Variants in CELF2 observed in about 807,000 individuals in gnomAD.
The protein encoded by CELF2 is CUG triplet repeat RNA-binding protein 2.
In CELF2, 8 loss-of-function variants were observed where a neutral mutation model predicts 62.6. That is an observed-to-expected ratio of 0.13 (90% confidence interval 0.07 to 0.23). The LOEUF (loss-of-function observed/expected upper bound fraction) is 0.23. Among genes scored for constraint, CELF2 ranks in the 10% least tolerant of loss-of-function variants. The pLI is 1.00. For missense variants in CELF2, 333 were observed against 671.0 expected (o/e 0.50, Z 5.56); for synonymous variants, 258 against 250.0 (o/e 1.03, Z -0.30).
chr10:10,532,303 A>G, the CELF2 span, among the ~76,000 whole-genome samples: 1 of 152,220 alleles, frequency 6.6e-6, no homozygotes, highest in Non-Finnish European at 1.5e-5. Context: ...ATCTGTTTGA[A>G]AACATATCAG....
At chr10:11,028,902 TG>T (rs1197445757) in intron 1 of CELF2, among the ~76,000 whole-genome samples, 1 of 152,082 alleles carries the variant, frequency 6.6e-6, no homozygotes, top group African/African-American at 2.4e-5. Context: ...TTAATAGAGA[TG>T]GGGTTTCACC....
In CELF2 at chr10:11,255,074, G is replaced by T. The variant is rs986479095; in HGVS notation, c.404-2664G>T. On this transcript the variant is annotated intron_variant, in intron 4 of 12. Coordinates refer to ENST00000633077, the MANE Select transcript of CELF2 (RefSeq NM_001326342.2). The surrounding 1 kb of genome is among the most constrained non-coding windows in gnomAD (Gnocchi z 5.5). ...CCTGCAGGTACACTCGTTGCCCAGG[G>T]TATCTGGTGTCTCTCTGGCTTAGCT... Among the ~76,000 whole-genome samples the T allele has an allele frequency of 9.2e-5, 14 of 152,228 alleles. No homozygotes were observed. The highest frequency in any genetic ancestry group is 3.4e-4 in the African/African-American group (14 of 41,464).
chr10:10,553,989 G>T, the CELF2 span, among the ~76,000 whole-genome samples: 4 of 152,170 alleles, frequency 2.6e-5, no homozygotes, highest in Non-Finnish European at 2.9e-5. Flanking sequence ...TGAGAAGATT[G>T]TCTTGGCCCT....
rs190789740 is a variant in CELF2 at position 10,843,792 on chromosome 10, C to T, written c.53+44975C>T. ...GACATTTTGACTTTTGAAACAAAAT[C>T]GCCCCCCAACACTGAATAGGTTCTG... is the stretch of plus-strand genomic sequence containing the variant. On this transcript the variant is annotated intron_variant, in intron 1 of 13. Transcript: ENST00000636488. Among the ~76,000 whole-genome samples the T allele has an allele frequency of 1.1e-4, 17 of 152,084 alleles. No individual in the cohort carries two copies. The East Asian group carries it at 2.7e-3, about 24-fold the overall frequency.
At chr10:10,942,424 T>C (rs1386475596) in intron 2 of CELF2, among the ~76,000 whole-genome samples, 3 of 152,188 alleles carry the variant, frequency 2.0e-5, no homozygotes, top group East Asian at 3.9e-4. Context: ...CCGTTTCTTA[T>C]GGTCTATTGG....
rs552244092 is a variant in CELF2 at position 11,165,879 on chromosome 10, G to A, written c.271+197G>A. 2.5e-4 allele frequency among the ~76,000 whole-genome samples: 38 copies of A among 152,344 alleles called. No individual in the cohort carries two copies. The highest frequency in any genetic ancestry group is 3.9e-4 in the Admixed American group (6 of 15,310). Reference sequence around the variant, plus strand: ...CCCGCCCGCCTGCCCGCCGGGACAGGTTGGAGGCGGGAGAGAGGGACCGAG... The same window carrying A: ...CCCGCCCGCCTGCCCGCCGGGACAGATTGGAGGCGGGAGAGAGGGACCGAG... On this transcript the variant is annotated intron_variant, in intron 2 of 12. Coordinates refer to ENST00000633077, the MANE Select transcript of CELF2 (RefSeq NM_001326342.2). This position sits in a 1 kb window ranked among gnomAD's most constrained non-coding sequence, Gnocchi z 7.4.
Position 11,097,377 on chromosome 10 carries a change from T to G in CELF2, c.75-68109T>G, listed in dbSNP as rs552439129. 24 of 152,350 alleles carry G rather than the reference T, an allele frequency of 1.6e-4. No homozygotes were observed. In the South Asian group the frequency reaches 4.8e-3, roughly 30 times the overall value. The allele number at this position is 152,350 out of a possible 1,614,324, so 9.4% of individuals were successfully genotyped here. ...GCACTTTGTCCAGTCTTCTTAGGTA[T>G]GAAGAAAAGTCAGAAGATTGAAAAG... On this transcript the variant is annotated intron_variant, in intron 1 of 12. Coordinates refer to ENST00000633077, the MANE Select transcript of CELF2 (RefSeq NM_001326342.2).
chr10:10,603,271 GC>G, the CELF2 span, among the ~76,000 whole-genome samples: 1 of 152,068 alleles, frequency 6.6e-6, no homozygotes, highest in African/African-American at 2.4e-5. Context: ...AATGTTAAGT[GC>G]ACCGAGAAGG....
Position 11,331,324 on chromosome 10 carries a change from T to A in CELF2, c.*2271T>A, listed in dbSNP as rs1236218604. On this transcript the variant is annotated 3_prime_UTR_variant, in exon 13 of 13. Coordinates refer to ENST00000633077, the MANE Select transcript of CELF2 (RefSeq NM_001326342.2). ...ATTTCAAAAAAAAAAGTTGTTTGCT[T>A]AAAAAAAATTTCATGTGAGGGAAAA... is the stretch of plus-strand genomic sequence containing the variant. 6.6e-6 allele frequency: 1 copy of A among 150,596 alleles called. No homozygotes were observed. The highest frequency in any genetic ancestry group is 2.4e-5 in the African/African-American group (1 of 40,924). 9.3% of individuals were successfully genotyped at this position (150,596 alleles called of 1,614,324 possible). A position where few individuals can be genotyped will look rare whatever the true frequency, so the allele number is the denominator to read the frequency against.
intron 2 of CELF2, among the ~76,000 whole-genome samples, chr10:10,963,431 C>T (rs1331881343): frequency 6.6e-6 from 1 of 152,160 alleles, no homozygotes; most frequent in Non-Finnish European, 1.5e-5. Flanking sequence ...TTAACCTGCT[C>T]TTCTTAACGG....
chr10:11,004,842 A>G (rs553916008), upstream of CELF2, among the ~76,000 whole-genome samples: 2 of 152,252 alleles, frequency 1.3e-5, no homozygotes, highest in Admixed American at 1.3e-4. The surrounding 1 kb of genome is among the most constrained non-coding windows in gnomAD (Gnocchi z 5.0). Flanking sequence ...GATGAATCCA[A>G]CTGTGAATGC....
intron 3 of CELF2, among the ~76,000 whole-genome samples, chr10:11,236,916 C>T (rs1396578640): frequency 1.3e-5 from 2 of 151,996 alleles, no homozygotes; most frequent in Non-Finnish European, 2.9e-5. Context: ...TGGAATAATG[C>T]GAAATAGGCC....
At chr10:10,477,570 C>G in the CELF2 span, among the ~76,000 whole-genome samples, 6 of 152,092 alleles carry the variant, frequency 3.9e-5, no homozygotes, top group Non-Finnish European at 8.8e-5. Flanking sequence ...CCTGTCTTAG[C>G]TTTTTGACTG....
chr10:10,466,525 G>GT, the CELF2 span, among the ~76,000 whole-genome samples: 1 of 152,082 alleles, frequency 6.6e-6, no homozygotes, highest in Non-Finnish European at 1.5e-5. Context: ...TCATGTGCAA[G>GT]CCTTAATGTA....
chr10:11,027,069 G>A (rs2059338692), intron 1 of CELF2, among the ~76,000 whole-genome samples: 1 of 152,128 alleles, frequency 6.6e-6, no homozygotes, highest in Non-Finnish European at 1.5e-5. Context: ...AGTCACTTCA[G>A]TCCACGCTGG....
chr10:10,732,854 T>C, the CELF2 span, among the ~76,000 whole-genome samples: 1 of 152,116 alleles, frequency 6.6e-6, no homozygotes, highest in Non-Finnish European at 1.5e-5. Context: ...AAGTCAAGAA[T>C]CTGAACCTGT....
intron 3 of CELF2, among the ~76,000 whole-genome samples, chr10:11,229,455 T>A (rs112473925): frequency 7.9e-5 from 12 of 152,302 alleles, no homozygotes; most frequent in African/African-American, 2.9e-4. Flanking sequence ...TGTACTTCAG[T>A]CCATTTGCAT....
chr10:11,195,018 C>CAGTGT (rs1448007696), intron 2 of CELF2, among the ~76,000 whole-genome samples: 1 of 152,210 alleles, frequency 6.6e-6, no homozygotes, highest in Non-Finnish European at 1.5e-5. Flanking sequence ...CATCCCATCT[C>CAGTGT]AGTGTAGCAG....
chr10:11,334,718 A>G lies in CELF2; in HGVS notation c.*5665A>G, dbSNP rs1474580979. The G allele has an allele frequency of 6.6e-6, 1 of 152,140 alleles. No homozygotes were observed. Among genetic ancestry groups the G allele is most frequent in the Non-Finnish European group, 1.5e-5 (1 of 68,026 alleles). 9.4% of individuals were successfully genotyped at this position (152,140 alleles called of 1,614,324 possible). A position where few individuals can be genotyped will look rare whatever the true frequency, so the allele number is the denominator to read the frequency against. ...CATGAGTCTATCCACGCAGTTCTTAACATACATTCCAAACTGCTGCGGGGT... is the reference window on the plus strand; with the variant it reads ...CATGAGTCTATCCACGCAGTTCTTAGCATACATTCCAAACTGCTGCGGGGT... On this transcript the variant is annotated 3_prime_UTR_variant, in exon 13 of 13. Coordinates refer to ENST00000633077, the MANE Select transcript of CELF2 (RefSeq NM_001326342.2).
Sources: gnomAD v4.1 joint callset for allele counts (sites outside exome capture counted in the v4.1 genomes callset) on GRCh38, gnomAD v4.1.1 for gene constraint, Gnocchi (gnomAD v3.1) non-coding constraint, MANE v1.5 for transcripts, NCBI Gene and HGNC (gene_info 2026-07-23, HGNC 2026-07-21) for gene names.